Variants in ARHGAP26 observed in about 807,000 individuals in gnomAD.
ARHGAP26 encodes the protein Rho GTPase activating protein 26, also known as rho GTPase-activating protein 26.
ARHGAP26 carries 38 observed loss-of-function variants against 104.8 expected under a neutral mutation model. That is an observed-to-expected ratio of 0.36 (90% CI 0.28 to 0.48). ARHGAP26 has a LOEUF of 0.48. Ranked by LOEUF, ARHGAP26 falls within the 20% of genes least tolerant of loss-of-function variation. The pLI is 0.99. For missense variants in ARHGAP26, 704 were observed against 947.9 expected, an observed-to-expected ratio of 0.74 and a Z score of 3.38; for synonymous variants, 341 against 340.0, an observed-to-expected ratio of 1.00 and a Z score of -0.03.
chr5:142,772,669 C>T, intron 1 of ARHGAP26: 1 of 497,756 alleles, frequency 2.0e-6, no homozygotes, highest in Admixed American at 2.2e-5. Context: ...ACCTCTGAGT[C>T]ACACAGCTCT....
chr5:142,802,683 A>AT (rs1218540359), intron 1 of ARHGAP26, among the ~76,000 whole-genome samples: 118 of 148,946 alleles, frequency 7.9e-4, no homozygotes, highest in East Asian at 3.3e-3. Flanking sequence ...GCATTGGCAA[A>AT]TTTTTTTTTT....
intron 17 of ARHGAP26, among the ~76,000 whole-genome samples, chr5:143,117,474 T>C (rs1228461689): frequency 6.6e-6 from 1 of 152,188 alleles, no homozygotes; most frequent in African/African-American, 2.4e-5. Flanking sequence ...AATCAAGTGA[T>C]GGATCAATTT....
At chr5:143,056,699 G>A (rs1785875523) in intron 16 of ARHGAP26, among the ~76,000 whole-genome samples, 1 of 152,116 alleles carries the variant, frequency 6.6e-6, no homozygotes, top group South Asian at 2.1e-4. Context: ...CTCTTGTAAA[G>A]GGGCAGAAAG....
chr5:142,973,834 T>C (rs1449458081), intron 11 of ARHGAP26, among the ~76,000 whole-genome samples: 1 of 152,076 alleles, frequency 6.6e-6, no homozygotes, highest in African/African-American at 2.4e-5. Flanking sequence ...AGACTCTCCG[T>C]TGGTTTAGGG....
At chr5:143,112,078 A>G (rs1331682201) in intron 17 of ARHGAP26, among the ~76,000 whole-genome samples, 1 of 152,210 alleles carries the variant, frequency 6.6e-6, no homozygotes, top group East Asian at 1.9e-4. Flanking sequence ...CTGATGACAT[A>G]CCTGTCCTCT....
chr5:142,795,866 A>G (rs1413872529), intron 1 of ARHGAP26, among the ~76,000 whole-genome samples: 1 of 152,146 alleles, frequency 6.6e-6, no homozygotes, highest in Non-Finnish European at 1.5e-5. Context: ...ATGGATAGAA[A>G]TCATGTGACC....
chr5:143,072,510 C>T (rs1788423578), intron 17 of ARHGAP26, among the ~76,000 whole-genome samples: 1 of 152,140 alleles, frequency 6.6e-6, no homozygotes, highest in African/African-American at 2.4e-5. Flanking sequence ...CCTATGTGTC[C>T]AGCAGCAGAT....
intron 12 of ARHGAP26, among the ~76,000 whole-genome samples, chr5:143,031,786 T>C (rs552419685): frequency 6.6e-6 from 1 of 152,232 alleles, no homozygotes; most frequent in South Asian, 2.1e-4. Flanking sequence ...AGTGGTGCAG[T>C]CTCGGCTTAC....
chr5:142,989,958 C>T (rs1775343115), intron 11 of ARHGAP26, among the ~76,000 whole-genome samples: 1 of 150,554 alleles, frequency 6.6e-6, no homozygotes, highest in Non-Finnish European at 1.5e-5. Context: ...CGAGCAGTAT[C>T]TTTGTGGCTT....
intron 1 of ARHGAP26, among the ~76,000 whole-genome samples, chr5:142,784,686 C>T (rs893476207): frequency 3.9e-5 from 6 of 152,068 alleles, no homozygotes; most frequent in Non-Finnish European, 7.3e-5. Flanking sequence ...TAGGCAGAGA[C>T]CATGGACGAT....
chr5:143,103,459 A>G (rs1342361862), intron 17 of ARHGAP26: 1 of 152,698 alleles, frequency 6.5e-6, no homozygotes, highest in African/African-American at 2.4e-5. Flanking sequence ...TACCCAAAGG[A>G]TTATAAATCA....
intron 9 of ARHGAP26, among the ~76,000 whole-genome samples, chr5:142,909,672 A>G (rs1375623057): frequency 1.3e-5 from 2 of 152,244 alleles, no homozygotes; most frequent in African/African-American, 4.8e-5. Flanking sequence ...TAACAGAGAA[A>G]TTACATTTAG....
At chr5:143,042,041 T>C in intron 14 of ARHGAP26, 151 bp downstream of exon 14, 1 of 674,648 alleles carries the variant, frequency 1.5e-6, no homozygotes, top group East Asian at 2.7e-5. Flanking sequence ...ATCGGTCAGT[T>C]GTCATGGCTT....
intron 18 of ARHGAP26, among the ~76,000 whole-genome samples, chr5:143,131,334 G>A (rs1797328517): frequency 6.6e-6 from 1 of 152,108 alleles, no homozygotes; most frequent in Non-Finnish European, 1.5e-5. Context: ...AGTTGAAATT[G>A]AAGTCCATGT....
chr5:143,189,927 T>C (rs1805677938), intron 20 of ARHGAP26, among the ~76,000 whole-genome samples: 2 of 152,016 alleles, frequency 1.3e-5, no homozygotes, highest in Admixed American at 1.3e-4. Flanking sequence ...TATTTGATTA[T>C]TAAATATTTA....
chr5:142,795,361 G>T (rs186534985), intron 1 of ARHGAP26, among the ~76,000 whole-genome samples: 208 of 151,000 alleles, frequency 1.4e-3, no homozygotes, highest in African/African-American at 4.6e-3. Context: ...CTTTACCACC[G>T]CACAGCATGC....
At chr5:143,210,744 T>C (rs547647146) in intron 21 of ARHGAP26, among the ~76,000 whole-genome samples, 1 of 152,306 alleles carries the variant, frequency 6.6e-6, no homozygotes, top group Non-Finnish European at 1.5e-5. Context: ...GGGTCATCAT[T>C]TTGCAAGGTT....
chr5:143,135,799 G>A (rs1345596024), intron 19 of ARHGAP26, among the ~76,000 whole-genome samples: 2 of 152,172 alleles, frequency 1.3e-5, no homozygotes, highest in African/African-American at 2.4e-5. Flanking sequence ...GATATACAAC[G>A]TTTCAGGACT....
At chr5:142,872,497 G>A (rs550944055) in intron 1 of ARHGAP26, among the ~76,000 whole-genome samples, 4 of 152,258 alleles carry the variant, frequency 2.6e-5, no homozygotes, top group Middle Eastern at 3.4e-3. Flanking sequence ...ACTGCACATG[G>A]AATTAAGTTA....
Sources: gnomAD v4.1 joint callset for allele counts (sites outside exome capture counted in the v4.1 genomes callset) on GRCh38, gnomAD v4.1.1 for gene constraint, MANE v1.5 for transcripts, NCBI Gene and HGNC (gene_info 2026-07-23, HGNC 2026-07-21) for gene names.